The following CENPC variants were observed in gnomAD, a reference collection of about 807,000 sequenced individuals.
The protein encoded by CENPC is CENP-C 1.
A neutral mutation model predicts 112.1 loss-of-function variants in CENPC; 63 were observed. The observed-to-expected ratio is 0.56, with a 90% CI of 0.46 to 0.69. The LOEUF (loss-of-function observed/expected upper bound fraction) is 0.69, where lower values mean the gene tolerates loss of function less well. CENPC is among the 30% of genes least tolerant of loss of function. The pLI is 0.00. For missense variants in CENPC, 1,000 were observed against 1,103.8 expected (o/e 0.91, Z 1.33); for synonymous variants, 333 against 367.6 (o/e 0.91, Z 1.08).
chr4:67,498,565 C>T (rs1411555189), intron 12 of CENPC, among the ~76,000 whole-genome samples: 3 of 152,180 alleles, frequency 2.0e-5, no homozygotes, highest in Admixed American at 1.3e-4. Flanking sequence ...ACATATTCAC[C>T]AGGAGTAGAT....
At chr4:67,532,393 C>T (rs1274053432) in intron 4 of CENPC, among the ~76,000 whole-genome samples, 1 of 152,180 alleles carries the variant, frequency 6.6e-6, no homozygotes, top group Non-Finnish European at 1.5e-5. Flanking sequence ...CATCCCATTA[C>T]TGGGCATACA....
rs753804792 is a variant in CENPC, at chr4:67,514,702, T to C, written c.831-15A>G. On this transcript the variant is annotated splice_polypyrimidine_tract_variant and intron_variant, in intron 7 of 18. Transcript: ENST00000273853. Reference sequence around the variant, plus strand: ...TAACAATGGGACTGAAACAGGGTGATACTTTTAACAGTTCAAAAAAATAAA... The same window carrying C: ...TAACAATGGGACTGAAACAGGGTGACACTTTTAACAGTTCAAAAAAATAAA... The C allele has an allele frequency of 1.3e-6, 2 of 1,573,636 alleles. No individual in the cohort carries two copies. The highest frequency in any genetic ancestry group is 1.7e-6 in the Non-Finnish European group (2 of 1,160,904).
intron 16 of CENPC, 38 bp from the exon 17 acceptor site, chr4:67,490,159 C>A: frequency 1.4e-6 from 2 of 1,439,214 alleles, no homozygotes; most frequent in Admixed American, 2.0e-5. Flanking sequence ...AAAACAACAG[C>A]AGTATTGGTT....
intron 16 of CENPC, among the ~76,000 whole-genome samples, chr4:67,491,660 CACCAGCTTT>C (rs1013326738): frequency 1.1e-4 from 17 of 151,828 alleles, no homozygotes; most frequent in African/African-American, 4.1e-4. Context: ...GACTTTGCAG[CACCAGCTTT>C]AAGGTTAAAC....
At chr4:67,497,846 C>T (rs1199078604) in intron 12 of CENPC, among the ~76,000 whole-genome samples, 1 of 148,844 alleles carries the variant, frequency 6.7e-6, no homozygotes, top group Non-Finnish European at 1.5e-5. Flanking sequence ...TATGTCTATA[C>T]TATACTATAG....
chr4:67,484,898 C>G (rs535293852), intron 17 of CENPC, among the ~76,000 whole-genome samples: 4 of 152,174 alleles, frequency 2.6e-5, no homozygotes, highest in Admixed American at 2.6e-4. Flanking sequence ...TCGAGACCAT[C>G]CTGGCTAACA....
At position 67,492,188 on chromosome 4, in the gene CENPC, A is replaced by G; in HGVS notation, c.2507T>C (p.Ile836Thr). Residue 836 changes from isoleucine (I) to threonine (T), a missense_variant, in exon 16 of 19, where the codon ATT becomes ACT. Physicochemically the swap from Ile to Thr is moderately conservative, Grantham distance 89. Coordinates refer to ENST00000273853, the MANE Select transcript of CENPC (RefSeq NM_001812.4). ...ATCATGCCTGATCTTACCCATGAGA[A>G]TAATCTCTCTTGTTTCTGGGTCCTT... ...RVKDPETREI[I>T]LMDLVRPQDT... is the part of the protein sequence containing the mutation. 2 of 1,555,996 alleles carry G rather than the reference A, an allele frequency of 1.3e-6. No individual in the cohort carries two copies. Among genetic ancestry groups the G allele is most frequent in the Non-Finnish European group, 1.7e-6 (2 of 1,146,158 alleles).
intron 10 of CENPC, 97 bp downstream of exon 10, chr4:67,508,717 C>T (rs1577988934): frequency 2.6e-6 from 3 of 1,133,138 alleles, no homozygotes; most frequent in Non-Finnish European, 3.7e-6. Context: ...CAGAGCTCTT[C>T]ATGCTAATTA....
Position 67,518,207 on chromosome 4 carries a change from T to C in CENPC, c.779A>G (p.Lys260Arg), listed in dbSNP as rs377025154. 21 of 1,558,202 alleles carry C rather than the reference T, an allele frequency of 1.3e-5. No individual in the cohort carries two copies. The highest frequency in any genetic ancestry group is 1.7e-5 in the Non-Finnish European group (20 of 1,151,618). The change falls in exon 7 of 19, where the codon AAA becomes AGA. Residue 260 changes from lysine to arginine, a missense_variant. Lys to Arg is a conservative substitution (Grantham distance 26). Transcript: ENST00000273853. Reference sequence around the variant, plus strand: ...TTCTAAAAACAATGTTGAAAAACTTTTTTTAGCTTGTCGTTGAATTTCATA... The same window carrying C: ...TTCTAAAAACAATGTTGAAAAACTTCTTTTAGCTTGTCGTTGAATTTCATA... ...SEYEIQRQAK[K>R]SFSTLFLETV...
intron 13 of CENPC, 135 bp from the exon 14 acceptor site, chr4:67,494,123 A>T: frequency 1.8e-6 from 1 of 545,728 alleles, no homozygotes; most frequent in Non-Finnish European, 3.1e-6. Flanking sequence ...AAGACTAGAA[A>T]AAACAAATAT....
In CENPC at chr4:67,471,762, T is replaced by C. The variant is rs1259522668; in HGVS notation, c.*843A>G. On this transcript the variant is annotated 3_prime_UTR_variant, in exon 19 of 19. Transcript: ENST00000273853. ...GTTAATGAGAATTATATGCTAACCA[T>C]ACCAAAAACCTTGATTAGAATTTTT... 1.3e-5 allele frequency: 2 copies of C among 152,184 alleles called. No homozygotes were observed. Among genetic ancestry groups the C allele is most frequent in the African/African-American group, 4.8e-5 (2 of 41,430 alleles). 9.4% of individuals were successfully genotyped at this position (152,184 alleles called of 1,614,324 possible). A position where few individuals can be genotyped will look rare whatever the true frequency, so the allele number is the denominator to read the frequency against.
chr4:67,499,641 A>G (rs1036847360), intron 12 of CENPC, among the ~76,000 whole-genome samples: 36 of 152,308 alleles, frequency 2.4e-4, no homozygotes, highest in African/African-American at 8.7e-4. Context: ...TGAAACCTCT[A>G]TATCAGCAGT....
chr4:67,541,148 A>G, intron 2 of CENPC, 98 bp from the exon 3 acceptor site: 1 of 745,750 alleles, frequency 1.3e-6, no homozygotes, highest in Non-Finnish European at 2.2e-6. Flanking sequence ...ATATAAATTT[A>G]CTTAATATGT....
chr4:67,539,213 T>C (rs1726813049), intron 4 of CENPC, among the ~76,000 whole-genome samples: 1 of 152,190 alleles, frequency 6.6e-6, no homozygotes, highest in Non-Finnish European at 1.5e-5. Context: ...GGCCTCTCAA[T>C]TCTGAAAGAA....
intron 17 of CENPC, among the ~76,000 whole-genome samples, chr4:67,484,825 G>A (rs1725049608): frequency 6.6e-6 from 1 of 152,188 alleles, no homozygotes. Flanking sequence ...TGGGCGCAGT[G>A]GCTCACGCCT....
At chr4:67,496,954 T>A (rs1324430171) in intron 12 of CENPC, among the ~76,000 whole-genome samples, 2 of 129,604 alleles carry the variant, frequency 1.5e-5, no homozygotes, top group Non-Finnish European at 3.1e-5. Flanking sequence ...AGAGGTCTCA[T>A]CTCTGTTGGA....
At chr4:67,510,990 T>C (rs190255) in intron 9 of CENPC, 291,585 of 455,750 alleles carry the variant, frequency 0.64, 94,518 homozygotes, top group East Asian at 0.81. Context: ...TGTTTATGTA[T>C]TCATCTGCCA....
At chr4:67,545,284 C>A in intron 1 of CENPC, 54 bp downstream of exon 1, 2 of 1,450,504 alleles carry the variant, frequency 1.4e-6, no homozygotes, top group East Asian at 2.8e-5. Context: ...CTCGGGCGCC[C>A]GTGCCCCAGC....
At chr4:67,517,860 A>T (rs541992219) in intron 7 of CENPC, among the ~76,000 whole-genome samples, 1 of 152,210 alleles carries the variant, frequency 6.6e-6, no homozygotes, top group East Asian at 1.9e-4. Context: ...ACATACATAC[A>T]TAAATACTGC....
Sources: gnomAD v4.1 joint callset for allele counts (sites outside exome capture counted in the v4.1 genomes callset) on GRCh38, gnomAD v4.1.1 for gene constraint, MANE v1.5 for transcripts, NCBI Gene and HGNC (gene_info 2026-07-23, HGNC 2026-07-21) for gene names.